RNF6: variants seen among roughly 807,000 people sequenced by gnomAD.
RNF6 encodes E3 ubiquitin-protein ligase RNF6.
Under a neutral mutation model 50.1 loss-of-function variants are expected in RNF6, and 21 were observed. That is an observed-to-expected ratio of 0.42 (90% CI 0.30 to 0.60). The LOEUF (loss-of-function observed/expected upper bound fraction) is 0.60. Among genes scored for constraint, RNF6 ranks in the 20% least tolerant of loss-of-function variants. The probability of loss-of-function intolerance (pLI) is 0.20; values close to 1 mark genes in which losing one functional copy is unlikely to be tolerated. For synonymous variants in RNF6, 255 were observed against 291.8 expected, an observed-to-expected ratio of 0.87 and a Z score of 1.29; for missense variants, 698 against 838.2, an observed-to-expected ratio of 0.83 and a Z score of 2.07.
At chr13:26,186,427 C>G (rs568487) in intron 5 of RNF6, among the ~76,000 whole-genome samples, 93,759 of 151,906 alleles carry the variant, frequency 0.62, 29,609 homozygotes, top group Middle Eastern at 0.7. Context: ...AAGAGCGGGA[C>G]GCGCCGGGGG....
At chr13:26,141,169 A>G (rs554489607) in intron 5 of RNF6, among the ~76,000 whole-genome samples, 1 of 152,248 alleles carries the variant, frequency 6.6e-6, no homozygotes, top group South Asian at 2.1e-4. Context: ...TGAATAGCCG[A>G]AGCAATCCTA....
intron 5 of RNF6, among the ~76,000 whole-genome samples, chr13:26,147,688 T>A (rs1248985640): frequency 6.6e-6 from 1 of 152,218 alleles, no homozygotes; most frequent in Non-Finnish European, 1.5e-5. Flanking sequence ...GAACTCCCTG[T>A]GAAGCTGGGA....
In RNF6 at chr13:26,139,995, T is replaced by G. The variant is rs540604865; in HGVS notation, n.769-7544A>C. On this transcript the variant is annotated intron_variant and non_coding_transcript_variant, in intron 5 of 5. Transcript: ENST00000468480. ...TGAGCCTGTAATGAACCTGACCTTA[T>G]TTCACTTTTTGACTGATACGTAACT... 2.5e-4 allele frequency among the ~76,000 whole-genome samples: 38 copies of G among 152,290 alleles called. No individual in the cohort carries two copies. In the South Asian group the frequency reaches 7.9e-3, roughly 32 times the overall value.
intron 5 of RNF6, among the ~76,000 whole-genome samples, chr13:26,168,043 C>A (rs976007493): frequency 6.6e-6 from 1 of 152,036 alleles, no homozygotes; most frequent in Non-Finnish European, 1.5e-5. Context: ...TGGGGCCTAC[C>A]TTAGGGTGGA....
intron 5 of RNF6, among the ~76,000 whole-genome samples, chr13:26,158,843 C>T (rs1872070850): frequency 6.6e-6 from 1 of 151,808 alleles, no homozygotes; most frequent in East Asian, 1.9e-4. Flanking sequence ...AGTTTTTTTC[C>T]CCATTATTCT....
At chr13:26,193,074 G>A (rs894200781) in intron 5 of RNF6, among the ~76,000 whole-genome samples, 9 of 152,268 alleles carry the variant, frequency 5.9e-5, no homozygotes, top group South Asian at 2.1e-4. Context: ...GAGCTGTGGC[G>A]AGATCAAGAG....
chr13:26,178,919 T>A (rs77756616), intron 5 of RNF6, among the ~76,000 whole-genome samples: 3 of 152,090 alleles, frequency 2.0e-5, no homozygotes, highest in Admixed American at 2.0e-4. Flanking sequence ...TTTCACTTAG[T>A]ATAATGTCCT....
In RNF6 at chr13:26,218,593, T is replaced by C. The variant is rs1328892404; in HGVS notation, c.207A>G (p.Ser69=). The C allele has an allele frequency of 1.2e-6, 2 of 1,613,634 alleles. No homozygotes were observed. The highest frequency in any genetic ancestry group is 1.7e-6 in the Non-Finnish European group (2 of 1,179,740). ...NLLGTPGEIT[S]EELQQRLDGV... is the part of the protein sequence containing the mutation. Reference sequence around the variant, plus strand: ...CATCTAACCGCTGTTGCAGTTCTTCTGATGTTATTTCTCCTAAAACAATGA... The same window carrying C: ...CATCTAACCGCTGTTGCAGTTCTTCCGATGTTATTTCTCCTAAAACAATGA... Residue 69 remains serine, a synonymous_variant, in exon 4 of 5, where the codon TCA becomes TCG. Transcript: ENST00000381588.
chr13:26,199,471 C>T (rs1278461053), intron 5 of RNF6, among the ~76,000 whole-genome samples: 20 of 151,790 alleles, frequency 1.3e-4, no homozygotes, highest in African/African-American at 4.4e-4. Context: ...TTTGGGATAG[C>T]CAAAGATTCT....
intron 5 of RNF6, among the ~76,000 whole-genome samples, chr13:26,205,092 T>C (rs979159783): frequency 3.3e-5 from 5 of 152,236 alleles, no homozygotes; most frequent in African/African-American, 1.2e-4. Flanking sequence ...CCAAGCCAGA[T>C]AGACCATGGC....
At chr13:26,166,208 C>T (rs1872444832) in intron 5 of RNF6, among the ~76,000 whole-genome samples, 1 of 152,180 alleles carries the variant, frequency 6.6e-6, no homozygotes, top group African/African-American at 2.4e-5. Context: ...GTGAGATGTG[C>T]CTTTCACCTT....
chr13:26,188,088 TAG>T (rs1566426890), intron 5 of RNF6, among the ~76,000 whole-genome samples: 5 of 152,230 alleles, frequency 3.3e-5, no homozygotes, highest in Admixed American at 2.0e-4. Flanking sequence ...CTAGGAATTC[TAG>T]AGAGTGTAAC....
At chr13:26,190,593 A>G (rs187948512) in intron 5 of RNF6, among the ~76,000 whole-genome samples, 246 of 152,370 alleles carry the variant, frequency 1.6e-3, no homozygotes, top group African/African-American at 5.7e-3. Flanking sequence ...CGATTCACAT[A>G]CATGGGTTCT....
chr13:26,214,391 T>C lies in RNF6; in HGVS notation c.1491A>G (p.Leu497=). The change falls in exon 5 of 5, where the codon CTA becomes CTG. Residue 497 remains leucine, a synonymous_variant. Coordinates refer to ENST00000381588, the MANE Select transcript of RNF6 (RefSeq NM_005977.4). ...IMTGFGELSS[L]MEADSESELQ... is the part of the protein sequence containing the mutation. ...GTTCTGACTCAGAATCGGCCTCCAT[T>C]AGAGAACTCAGTTCTCCAAACCCAG... is the stretch of plus-strand genomic sequence containing the variant. 6.2e-7 allele frequency: 1 copy of C among 1,614,172 alleles called. No homozygotes were observed. Among genetic ancestry groups the C allele is most frequent in the Non-Finnish European group, 8.5e-7 (1 of 1,180,032 alleles).
At chr13:26,160,198 T>A (rs1383375406) in intron 5 of RNF6, among the ~76,000 whole-genome samples, 1 of 152,214 alleles carries the variant, frequency 6.6e-6, no homozygotes, top group Non-Finnish European at 1.5e-5. Flanking sequence ...CTACTTAGTA[T>A]CAAAATTGTG....
At chr13:26,205,952 A>C (rs1869088939) in intron 5 of RNF6, among the ~76,000 whole-genome samples, 1 of 152,222 alleles carries the variant, frequency 6.6e-6, no homozygotes, top group African/African-American at 2.4e-5. Context: ...TTGAGGCTAC[A>C]GTGAGCTGTG....
intron 5 of RNF6, among the ~76,000 whole-genome samples, chr13:26,162,225 A>G (rs1431927315): frequency 2.0e-5 from 3 of 152,116 alleles, no homozygotes; most frequent in African/African-American, 7.2e-5. Flanking sequence ...TCATCATCCC[A>G]GAGCCAGGTA....
intron 5 of RNF6, among the ~76,000 whole-genome samples, chr13:26,204,137 T>G (rs1312222522): frequency 6.6e-6 from 1 of 152,104 alleles, no homozygotes; most frequent in Non-Finnish European, 1.5e-5. Flanking sequence ...ATTTCCTGTA[T>G]GTATAATTCT....
chr13:26,158,584 C>T (rs935656993), intron 5 of RNF6, among the ~76,000 whole-genome samples: 2 of 152,082 alleles, frequency 1.3e-5, no homozygotes, highest in Non-Finnish European at 2.9e-5. Context: ...CATATAGTCA[C>T]TGAAAATGAC....
Sources: allele counts gnomAD v4.1 joint callset (sites outside exome capture counted in the v4.1 genomes callset), GRCh38; gene constraint gnomAD v4.1.1; transcripts MANE v1.5; gene names NCBI Gene and HGNC (gene_info 2026-07-23, HGNC 2026-07-21).